TBC1D32: variants seen among roughly 807,000 people sequenced by gnomAD.
TBC1D32 encodes TBC1 domain family member 32.
In TBC1D32, 151 loss-of-function variants were observed where a neutral mutation model predicts 170.3. The ratio of observed to expected loss-of-function variants is 0.89; its 90% CI spans 0.78 to 1.01. The LOEUF (loss-of-function observed/expected upper bound fraction) is 1.01, where lower values mean the gene tolerates loss of function less well. TBC1D32 is among the 50% of genes least tolerant of loss of function. The probability of loss-of-function intolerance (pLI) is 0.00; values close to 1 mark genes in which losing one functional copy is unlikely to be tolerated. For synonymous variants in TBC1D32, 498 were observed against 488.0 expected (o/e 1.02, Z -0.27); for missense variants, 1,464 against 1,457.1 (o/e 1.00, Z -0.08).
At chr6:121,117,000 A>T (rs1284967948) in intron 26 of TBC1D32, among the ~76,000 whole-genome samples, 3 of 152,072 alleles carry the variant, frequency 2.0e-5, no homozygotes, top group African/African-American at 7.2e-5. Flanking sequence ...AGATAAATAG[A>T]CTCGACTCCA....
intron 23 of TBC1D32, 27 bp from the exon 24 acceptor site, chr6:121,160,130 T>G (rs759072789): frequency 2.9e-6 from 4 of 1,377,990 alleles, no homozygotes; most frequent in Non-Finnish European, 4.1e-6. Context: ...ACAGATGACT[T>G]TAGGAAGTGG....
rs1562400806 is a variant in TBC1D32 at position 121,079,616 on chromosome 6, AT to A, written c.*1154del. On this transcript the variant is annotated 3_prime_UTR_variant, in exon 32 of 32. Coordinates refer to ENST00000398212, the MANE Select transcript of TBC1D32 (RefSeq NM_152730.6). ...CATGACTAAAAATGAATAATGTAATATATTCGTGTATTATCTTTCATATACT... is the reference window on the plus strand; with the variant it reads ...CATGACTAAAAATGAATAATGTAATAATTCGTGTATTATCTTTCATATACT... 6.6e-6 allele frequency: 1 copy of A among 152,298 alleles called. No homozygotes were observed. Among genetic ancestry groups the A allele is most frequent in the East Asian group, 1.9e-4 (1 of 5,186 alleles). The allele number at this position is 152,298 out of a possible 1,614,324, so 9.4% of individuals were successfully genotyped here.
chr6:121,287,859 C>T (rs530332824), intron 12 of TBC1D32, among the ~76,000 whole-genome samples: 2 of 152,228 alleles, frequency 1.3e-5, no homozygotes, highest in African/African-American at 2.4e-5. Flanking sequence ...CACTCAAAAC[C>T]GCTCATCTAT....
At chr6:121,205,239 T>C in intron 21 of TBC1D32, 76 bp from the exon 22 acceptor site, 1 of 699,084 alleles carries the variant, frequency 1.4e-6, no homozygotes, top group Non-Finnish European at 2.3e-6. Context: ...ACAATTTATT[T>C]AGATTTGTGG....
chr6:121,249,737 A>G (rs990900403), intron 17 of TBC1D32, among the ~76,000 whole-genome samples: 6 of 151,936 alleles, frequency 3.9e-5, no homozygotes, highest in African/African-American at 1.4e-4. Context: ...ACAAAAACAA[A>G]AACCAAAACA....
chr6:121,264,158 G>A (rs1800140324), intron 15 of TBC1D32, among the ~76,000 whole-genome samples: 2 of 151,602 alleles, frequency 1.3e-5, no homozygotes, highest in Non-Finnish European at 2.9e-5. Flanking sequence ...CTGTTTTCTT[G>A]AAAAAATAAA....
intron 18 of TBC1D32, 36 bp from the exon 19 acceptor site, chr6:121,241,588 A>G (rs1796996565): frequency 1.3e-6 from 2 of 1,540,548 alleles, no homozygotes; most frequent in African/African-American, 2.7e-5. Context: ...ATGAAAAGCA[A>G]CAAAACATGG....
chr6:121,168,492 C>A (rs1786404852), intron 22 of TBC1D32, among the ~76,000 whole-genome samples: 1 of 61,786 alleles, frequency 1.6e-5, no homozygotes, highest in Non-Finnish European at 3.5e-5. Flanking sequence ...TATGCTCACT[C>A]ATAGGTGGGA....
chr6:121,225,503 T>C (rs1794958348), intron 20 of TBC1D32, among the ~76,000 whole-genome samples: 1 of 152,044 alleles, frequency 6.6e-6, no homozygotes, highest in Non-Finnish European at 1.5e-5. Flanking sequence ...ATAAATCACA[T>C]ATATCAATAG....
chr6:121,322,651 T>C (rs763661375), intron 1 of TBC1D32, among the ~76,000 whole-genome samples: 4 of 152,176 alleles, frequency 2.6e-5, no homozygotes, highest in Non-Finnish European at 5.9e-5. Flanking sequence ...CCCTGCTTCA[T>C]TCCTGACCAC....
At chr6:121,303,808 T>C (rs761202939) in intron 8 of TBC1D32, 47 bp from the exon 9 acceptor site, 1 of 1,290,414 alleles carries the variant, frequency 7.7e-7, no homozygotes, top group South Asian at 2.1e-5. Context: ...ATAGTTCTGG[T>C]GGTATACTTT....
intron 22 of TBC1D32, among the ~76,000 whole-genome samples, chr6:121,161,775 C>T (rs199922125): frequency 3.9e-5 from 6 of 152,238 alleles, no homozygotes; most frequent in Admixed American, 6.5e-5. Flanking sequence ...TCTTCCACAA[C>T]GGTTGAACTA....
intron 22 of TBC1D32, among the ~76,000 whole-genome samples, chr6:121,192,720 T>C (rs1381847281): frequency 6.6e-6 from 1 of 152,206 alleles, no homozygotes; most frequent in Non-Finnish European, 1.5e-5. Context: ...AGGACCATGA[T>C]GAAGCTGAGG....
At chr6:121,135,220 T>C (rs971798228) in intron 24 of TBC1D32, among the ~76,000 whole-genome samples, 5 of 152,136 alleles carry the variant, frequency 3.3e-5, no homozygotes, top group African/African-American at 7.2e-5. Flanking sequence ...ATATTTTATA[T>C]GACAATTCTA....
chr6:121,295,325 G>C (rs908126312), intron 10 of TBC1D32, among the ~76,000 whole-genome samples: 4 of 147,576 alleles, frequency 2.7e-5, no homozygotes, highest in Admixed American at 6.8e-5. Flanking sequence ...GTGATATACG[G>C]TGTGATAATT....
intron 21 of TBC1D32, among the ~76,000 whole-genome samples, chr6:121,220,508 A>G (rs1328244527): frequency 6.6e-6 from 1 of 152,192 alleles, no homozygotes; most frequent in Non-Finnish European, 1.5e-5. Context: ...CATGGGATTC[A>G]AGGAAAGAAG....
chr6:121,136,229 G>T (rs190841620), intron 24 of TBC1D32, among the ~76,000 whole-genome samples: 44 of 152,248 alleles, frequency 2.9e-4, no homozygotes, highest in African/African-American at 9.6e-4. Context: ...TGCCATCTCA[G>T]TAAAAAGAGA....
chr6:121,112,923 T>C, intron 28 of TBC1D32, 139 bp downstream of exon 28: 3 of 666,754 alleles, frequency 4.5e-6, no homozygotes, highest in Non-Finnish European at 4.8e-6. Flanking sequence ...AATAAAATAC[T>C]GTAAGAATAT....
rs958281427 is a variant in TBC1D32, at chr6:121,321,519, A to T, written c.317+114T>A. ...GTCATGATCTGACTCATTGTTTTAA[A>T]GAATCATTCTGGCTGCTATGAGGGA... On this transcript the variant is annotated intron_variant, in intron 2 of 31. Coordinates refer to ENST00000398212, the MANE Select transcript of TBC1D32 (RefSeq NM_152730.6). 3 of 1,008,620 alleles carry T rather than the reference A, an allele frequency of 3.0e-6. No homozygotes were observed. The African/African-American group carries it at 5.0e-5, about 17-fold the overall frequency. 62.5% of individuals were successfully genotyped at this position (1,008,620 alleles called of 1,614,324 possible).
Sources: gnomAD v4.1 joint callset for allele counts (sites outside exome capture counted in the v4.1 genomes callset) on GRCh38, gnomAD v4.1.1 for gene constraint, MANE v1.5 for transcripts, NCBI Gene and HGNC (gene_info 2026-07-23, HGNC 2026-07-21) for gene names.